ANXA13: variants seen among roughly 807,000 people sequenced by gnomAD.
ANXA13 encodes the protein annexin XIII.
In ANXA13, 36 loss-of-function variants were observed where a neutral mutation model predicts 46.6. The ratio of observed to expected loss-of-function variants is 0.77; its 90% CI spans 0.59 to 1.02. The LOEUF (loss-of-function observed/expected upper bound fraction) is 1.02, where lower values mean the gene tolerates loss of function less well. Among genes scored for constraint, ANXA13 ranks in the 50% least tolerant of loss-of-function variants. The pLI, the probability that ANXA13 is intolerant of heterozygous loss-of-function variation, is 0.00. For missense variants in ANXA13, 417 were observed against 396.5 expected, an observed-to-expected ratio of 1.05 and a Z score of -0.44; for synonymous variants, 163 against 152.9, an observed-to-expected ratio of 1.07 and a Z score of -0.49.
At chr8:123,730,117 G>A (rs1814085998) in intron 1 of ANXA13, among the ~76,000 whole-genome samples, 1 of 152,162 alleles carries the variant, frequency 6.6e-6, no homozygotes, top group African/African-American at 2.4e-5. Context: ...AGGGTGGAGG[G>A]TGGCAGAGGG....
chr8:123,693,815 C>T, intron 6 of ANXA13, 36 bp from the exon 7 acceptor site: 1 of 1,562,080 alleles, frequency 6.4e-7, no homozygotes, highest in Non-Finnish European at 8.8e-7. Context: ...AACTTGCATT[C>T]CTGCTTGACC....
chr8:123,691,850 C>A (rs142141805), intron 8 of ANXA13, among the ~76,000 whole-genome samples: 1 of 152,236 alleles, frequency 6.6e-6, no homozygotes, highest in African/African-American at 2.4e-5. Flanking sequence ...GAGATATTAG[C>A]CTGGAGAGTG....
chr8:123,696,811 T>G (rs920039275), intron 4 of ANXA13, among the ~76,000 whole-genome samples: 2 of 152,152 alleles, frequency 1.3e-5, no homozygotes, highest in Non-Finnish European at 2.9e-5. Flanking sequence ...TCAGATCTAT[T>G]TGATTGATAG....
chr8:123,691,682 G>A (rs1409138320), intron 8 of ANXA13, among the ~76,000 whole-genome samples: 1 of 152,204 alleles, frequency 6.6e-6, no homozygotes, highest in Non-Finnish European at 1.5e-5. Flanking sequence ...TTCTTAAACT[G>A]TAATATACAT....
Position 123,690,633 on chromosome 8 carries a change from T to G in ANXA13, c.643-1687A>C, listed in dbSNP as rs1216739040. ...TGCAACGTGATTCTTAGGGGCTCTT[T>G]GTACAGAAGCAGATTTTCTGATCTC... On this transcript the variant is annotated intron_variant, in intron 8 of 10. Transcript: ENST00000419625. This position sits in a 1 kb window ranked among gnomAD's most constrained non-coding sequence, Gnocchi z 4.6. Among the ~76,000 whole-genome samples, 3 of 152,256 alleles carry G rather than the reference T, an allele frequency of 2.0e-5. No homozygotes were observed. The highest frequency in any genetic ancestry group is 4.4e-5 in the Non-Finnish European group (3 of 68,040).
At chr8:123,733,673 C>T (rs764003585) in intron 1 of ANXA13, among the ~76,000 whole-genome samples, 1 of 152,222 alleles carries the variant, frequency 6.6e-6, no homozygotes, top group Non-Finnish European at 1.5e-5. Flanking sequence ...TGACCATCTG[C>T]CTTTGTCCCC....
chr8:123,698,952 G>A (rs1488961537), intron 3 of ANXA13, among the ~76,000 whole-genome samples: 1 of 152,180 alleles, frequency 6.6e-6, no homozygotes, highest in Non-Finnish European at 1.5e-5. Context: ...TGAAATACAG[G>A]GCTGTTATCT....
intron 2 of ANXA13, among the ~76,000 whole-genome samples, chr8:123,703,489 T>C (rs1245618627): frequency 6.6e-6 from 1 of 152,158 alleles, no homozygotes; most frequent in Non-Finnish European, 1.5e-5. Context: ...AATGGGTGAA[T>C]TATATGGTGC....
intron 10 of ANXA13, among the ~76,000 whole-genome samples, chr8:123,683,831 C>G (rs1813087141): frequency 6.6e-6 from 1 of 152,146 alleles, no homozygotes; most frequent in Admixed American, 6.5e-5. Context: ...AGGCGATCCA[C>G]CCACCTCGGC....
rs745800169 is a variant in ANXA13, at chr8:123,702,637, A to G, written c.186+5T>C. 1 of 1,613,596 alleles carries G rather than the reference A, an allele frequency of 6.2e-7. No individual in the cohort carries two copies. The highest frequency in any genetic ancestry group is 2.2e-5 in the East Asian group (1 of 44,870). The stretch of plus-strand genomic sequence containing the variant: ...TGCAAGCTTGCTGACCACCCCTGGA[A>G]TCACCTTGCCGTACGTTGCCTTGTA... On this transcript the variant is annotated splice_donor_5th_base_variant and intron_variant, in intron 3 of 10. Transcript: ENST00000419625.
chr8:123,698,791 C>T (rs181657635), intron 3 of ANXA13, among the ~76,000 whole-genome samples: 4 of 152,306 alleles, frequency 2.6e-5, no homozygotes, highest in Admixed American at 2.6e-4. Context: ...GGAGACCTCA[C>T]CGATGAATCA....
At chr8:123,706,986 C>T (rs773465492) in intron 2 of ANXA13, among the ~76,000 whole-genome samples, 2 of 152,248 alleles carry the variant, frequency 1.3e-5, no homozygotes, top group Non-Finnish European at 2.9e-5. Context: ...GCTCCCTGCA[C>T]ACTCCTGGAC....
chr8:123,731,354 G>T (rs2129949759), intron 1 of ANXA13, among the ~76,000 whole-genome samples: 1 of 152,260 alleles, frequency 6.6e-6, no homozygotes, highest in East Asian at 1.9e-4. Context: ...GAATTGGTCT[G>T]GGAATGTAAA....
chr8:123,693,051 T>TATTCCC, intron 8 of ANXA13, 146 bp downstream of exon 8: 1 of 727,626 alleles, frequency 1.4e-6, no homozygotes, highest in Non-Finnish European at 2.4e-6. Flanking sequence ...CATTATCAAA[T>TATTCCC]ATTCCCTAGG....
chr8:123,711,259 T>C (rs1813651912), intron 2 of ANXA13, among the ~76,000 whole-genome samples: 1 of 152,248 alleles, frequency 6.6e-6, no homozygotes, highest in Non-Finnish European at 1.5e-5. Flanking sequence ...CTTCAATTTC[T>C]GCCCCAACAA....
At chr8:123,702,580 AGGAAGCC>A in intron 3 of ANXA13, 55 bp downstream of exon 3, 1 of 1,346,182 alleles carries the variant, frequency 7.4e-7, no homozygotes, top group African/African-American at 1.4e-5. Context: ...TGGGGACATG[AGGAAGCC>A]GAGACGGCTG....
chr8:123,733,067 G>A (rs757897596), intron 1 of ANXA13, among the ~76,000 whole-genome samples: 18 of 152,024 alleles, frequency 1.2e-4, no homozygotes, highest in African/African-American at 1.9e-4. Context: ...GAGGTCTGAG[G>A]TAAAAGGATT....
chr8:123,733,791 G>A (rs112322084), intron 1 of ANXA13, among the ~76,000 whole-genome samples: 29 of 152,256 alleles, frequency 1.9e-4, no homozygotes, highest in Middle Eastern at 3.4e-3. Flanking sequence ...ACCCTGATGC[G>A]CAGGACAACC....
At chr8:123,725,065 A>G (rs566590765) in intron 1 of ANXA13, among the ~76,000 whole-genome samples, 1 of 152,324 alleles carries the variant, frequency 6.6e-6, no homozygotes, top group Non-Finnish European at 1.5e-5. Context: ...CTTACCCTTC[A>G]GCTGGCAACA....
Sources: gnomAD v4.1 joint callset for allele counts (sites outside exome capture counted in the v4.1 genomes callset) on GRCh38, gnomAD v4.1.1 for gene constraint, Gnocchi (gnomAD v3.1) non-coding constraint, MANE v1.5 for transcripts, NCBI Gene and HGNC (gene_info 2026-07-23, HGNC 2026-07-21) for gene names.